ZC3H6: variants seen among roughly 807,000 people sequenced by gnomAD.
The protein encoded by ZC3H6 is zinc finger CCCH-type containing 6.
In ZC3H6, 40 loss-of-function variants were observed where a neutral mutation model predicts 107.7. That is an observed-to-expected ratio of 0.37 (90% confidence interval 0.29 to 0.48). The LOEUF (loss-of-function observed/expected upper bound fraction) is 0.48. ZC3H6 is among the 20% of genes least tolerant of loss of function. ZC3H6 has a pLI of 0.98. For missense variants in ZC3H6, 1,267 were observed against 1,410.4 expected, an observed-to-expected ratio of 0.90 and a Z score of 1.63; for synonymous variants, 493 against 487.9, an observed-to-expected ratio of 1.01 and a Z score of -0.14.
intron 1 of ZC3H6, among the ~76,000 whole-genome samples, chr2:112,280,933 G>A (rs1573943515): frequency 6.6e-6 from 1 of 151,884 alleles, no homozygotes; most frequent in East Asian, 1.9e-4. Flanking sequence ...CTGGGGGATA[G>A]GAGGAAATGG....
rs768268196 is a variant in ZC3H6, at chr2:112,322,886, C to A, written c.1324C>A (p.His442Asn). 7 of 1,580,738 alleles carry A rather than the reference C, an allele frequency of 4.4e-6. No individual in the cohort carries two copies. In the East Asian group the frequency reaches 1.1e-4, roughly 25 times the overall value. The change falls in exon 9 of 12, where the codon CAT (histidine) becomes AAT (asparagine). Residue 442 changes from histidine (H) to asparagine (N), a missense_variant. His to Asn is a moderately conservative substitution (Grantham distance 68, BLOSUM62 1). Around this residue, in one of 3 missense-constraint regions of ZC3H6, gnomAD observed 925 missense variants for 1,025.7 expected, o/e 0.90. Transcript: ENST00000409871. Reference protein sequence around the residue: ...IVVKPTVDLAHKIGRKPPAFY... With the variant: ...IVVKPTVDLANKIGRKPPAFY... ...TGTAAAACCTACTGTGGATTTAGCG[C>A]ATAAAATTGGGAGGAAGTAAGTGAA...
chr2:112,293,601 G>A (rs1468895626), intron 1 of ZC3H6, among the ~76,000 whole-genome samples: 1 of 152,212 alleles, frequency 6.6e-6, no homozygotes, highest in Non-Finnish European at 1.5e-5. Context: ...CATGTCTGGT[G>A]GATCTTCCAT....
rs1023822265 is a variant in ZC3H6 at position 112,339,436 on chromosome 2, T to G, written c.*6948T>G. 3 of 152,152 alleles carry G rather than the reference T, an allele frequency of 2.0e-5. No individual in the cohort carries two copies. The highest frequency in any genetic ancestry group is 6.5e-5 in the Admixed American group (1 of 15,278). 9.4% of individuals were successfully genotyped at this position (152,152 alleles called of 1,614,324 possible). A position where few individuals can be genotyped will look rare whatever the true frequency, so the allele number is the denominator to read the frequency against. On this transcript the variant is annotated 3_prime_UTR_variant, in exon 12 of 12. Coordinates refer to ENST00000409871, the MANE Select transcript of ZC3H6 (RefSeq NM_198581.3). ...AAAGTTTAAAAGTTTTTTACATTCC[T>G]TACCCTAAACCCACTGCCCCATCCA...
At chr2:112,311,774 T>C in intron 4 of ZC3H6, 30 bp from the exon 5 acceptor site, 2 of 1,574,532 alleles carry the variant, frequency 1.3e-6, no homozygotes, top group South Asian at 2.3e-5. Context: ...TGTTTTTCTT[T>C]TAAATTTAAG....
chr2:112,324,373 G>A lies in ZC3H6; in HGVS notation c.1562G>A (p.Gly521Asp), dbSNP rs372364691. The A allele has an allele frequency of 3.8e-5, 61 of 1,613,808 alleles. No homozygotes were observed. The highest frequency in any genetic ancestry group is 4.7e-5 in the Non-Finnish European group (55 of 1,179,876). The change falls in exon 10 of 12, where the codon GGT (glycine) becomes GAT (aspartate). Residue 521 changes from glycine to aspartate, a missense_variant. Physicochemically the swap from Gly to Asp is moderately conservative, Grantham distance 94. Around this residue, in one of 3 missense-constraint regions of ZC3H6, gnomAD observed 925 missense variants for 1,025.7 expected, o/e 0.90. Coordinates refer to ENST00000409871, the MANE Select transcript of ZC3H6 (RefSeq NM_198581.3). ...CCACAGAGCCCACCTTTACCACCTG[G>A]TCCACCTGAAATTGTAGGTCCTCAA... The part of the protein sequence containing the change: ...PVPQSPPLPP[G>D]PPEIVGPQNQ...
chr2:112,329,399 A>G (rs1270819031), intron 11 of ZC3H6, among the ~76,000 whole-genome samples: 1 of 152,240 alleles, frequency 6.6e-6, no homozygotes, highest in African/African-American at 2.4e-5. Context: ...TGAAATTACT[A>G]TACAGAAATA....
chr2:112,322,730 C>T lies in ZC3H6; in HGVS notation c.1168C>T (p.Pro390Ser), dbSNP rs1676827473. The change falls in exon 9 of 12, where the codon CCC becomes TCC. Residue 390 changes from proline to serine, a missense_variant. Pro to Ser is a moderately conservative substitution (Grantham distance 74). This residue lies in a region of ZC3H6 where 925 missense variants were observed against 1,025.7 expected (regional missense o/e 0.90). Transcript: ENST00000409871. The part of the protein sequence containing the change: ...ELRKRGITPL[P>S]KPPPGVGLLP... ...TAGAAAGCGTGGCATAACTCCTCTT[C>T]CCAAACCACCTCCAGGGGTTGGGCT... The T allele has an allele frequency of 1.2e-6, 2 of 1,613,740 alleles. No individual in the cohort carries two copies. Among genetic ancestry groups the T allele is most frequent in the African/African-American group, 2.7e-5 (2 of 74,912 alleles).
At chr2:112,287,271 A>G (rs1366767593) in intron 1 of ZC3H6, among the ~76,000 whole-genome samples, 4 of 152,142 alleles carry the variant, frequency 2.6e-5, no homozygotes, top group Non-Finnish European at 4.4e-5. Context: ...TTGAAAGGTA[A>G]TGAAAGTAAA....
chr2:112,304,194 T>A (rs1676434588), intron 3 of ZC3H6, among the ~76,000 whole-genome samples: 1 of 152,202 alleles, frequency 6.6e-6, no homozygotes, highest in Non-Finnish European at 1.5e-5. Context: ...TTTTGAGTAT[T>A]GCCCTTTTAA....
In ZC3H6 at chr2:112,331,445, G is replaced by A. The variant is rs374084323; in HGVS notation, c.2527G>A (p.Ala843Thr). 5 of 1,613,800 alleles carry A rather than the reference G, an allele frequency of 3.1e-6. No individual in the cohort carries two copies. The African/African-American group carries it at 6.7e-5, about 22-fold the overall frequency. The change falls in exon 12 of 12, where the codon GCC (alanine) becomes ACC (threonine). Residue 843 changes from alanine (A) to threonine (T), a missense_variant. By Grantham distance (58) the Ala-to-Thr change is moderately conservative. This residue lies in a region of ZC3H6 where 925 missense variants were observed against 1,025.7 expected (regional missense o/e 0.90). Coordinates refer to ENST00000409871, the MANE Select transcript of ZC3H6 (RefSeq NM_198581.3). ...AAAAGCTTTCTTAATACCTTTGGAT[G>A]CCTCACCTGGCATAATGCTCCAGGA... is the stretch of plus-strand genomic sequence containing the variant. ...REKAFLIPLDASPGIMLQDPR... is the reference protein window; with the variant it reads ...REKAFLIPLDTSPGIMLQDPR...
intron 1 of ZC3H6, among the ~76,000 whole-genome samples, chr2:112,296,243 T>C (rs1172427824): frequency 2.0e-5 from 3 of 152,192 alleles, no homozygotes; most frequent in Non-Finnish European, 2.9e-5. Flanking sequence ...ACTTCTGTTA[T>C]ATATTGGTTT....
chr2:112,321,048 T>A (rs1361364454), intron 7 of ZC3H6, among the ~76,000 whole-genome samples: 1 of 152,110 alleles, frequency 6.6e-6, no homozygotes, highest in African/African-American at 2.4e-5. Flanking sequence ...ATTTTTTTCT[T>A]GACCTTATCA....
chr2:112,315,279 G>C (rs1676676911), intron 5 of ZC3H6, among the ~76,000 whole-genome samples: 2 of 152,032 alleles, frequency 1.3e-5, no homozygotes, highest in Middle Eastern at 3.2e-3. Flanking sequence ...AGTTGAATAG[G>C]GGACTCAGGA....
At chr2:112,298,068 C>T (rs1401569681) in intron 1 of ZC3H6, among the ~76,000 whole-genome samples, 2 of 152,102 alleles carry the variant, frequency 1.3e-5, no homozygotes, top group Non-Finnish European at 2.9e-5. Context: ...GAGCTGAGAT[C>T]GTGCCACTGC....
intron 5 of ZC3H6, among the ~76,000 whole-genome samples, chr2:112,315,899 G>C (rs979758077): frequency 1.3e-5 from 2 of 152,110 alleles, no homozygotes; most frequent in African/African-American, 4.8e-5. Context: ...CAGTTTTTAT[G>C]ATCCAAAGTT....
intron 5 of ZC3H6, among the ~76,000 whole-genome samples, chr2:112,314,162 C>T (rs919766958): frequency 1.3e-5 from 2 of 150,042 alleles, no homozygotes; most frequent in Admixed American, 6.7e-5. Flanking sequence ...TTTTTTCTCC[C>T]TCCATCTCTC....
chr2:112,292,276 G>T (rs904316983), intron 1 of ZC3H6, among the ~76,000 whole-genome samples: 2 of 152,170 alleles, frequency 1.3e-5, no homozygotes, highest in African/African-American at 2.4e-5. Context: ...AGATGATTAC[G>T]TATTCACTGC....
Position 112,332,346 on chromosome 2 carries a change from CACAGT to C in ZC3H6, c.3434_3438del (p.Tyr1145Ter), listed in dbSNP as rs770738425. The stretch of plus-strand genomic sequence containing the variant: ...CAGGCATTAACAGGCTTAATTAGGC[CACAGT>C]ACAGTGATCCAAGGCAGGCAAGGCA... On this transcript the variant is annotated frameshift_variant, in exon 12 of 12. Coordinates refer to ENST00000409871, the MANE Select transcript of ZC3H6 (RefSeq NM_198581.3). LOFTEE classifies it high-confidence loss of function. The C allele has an allele frequency of 1.4e-5, 23 of 1,613,750 alleles. No individual in the cohort carries two copies. The highest frequency in any genetic ancestry group is 1.9e-5 in the Non-Finnish European group (23 of 1,179,880).
chr2:112,312,752 C>G (rs982348492), intron 5 of ZC3H6, among the ~76,000 whole-genome samples: 6 of 151,580 alleles, frequency 4.0e-5, no homozygotes, highest in Non-Finnish European at 8.8e-5. Flanking sequence ...CCCAGCTACT[C>G]GGGAGGCTGA....
Sources: allele counts gnomAD v4.1 joint callset (sites outside exome capture counted in the v4.1 genomes callset), GRCh38; gene constraint gnomAD v4.1.1; regional missense constraint gnomAD v4.1.1; transcripts MANE v1.5; gene names NCBI Gene and HGNC (gene_info 2026-07-23, HGNC 2026-07-21).